PAN2: variants seen among roughly 807,000 people sequenced by gnomAD.
PAN2 encodes the protein poly(A) specific ribonuclease subunit PAN2, also known as PAN2-PAN3 deadenylation complex catalytic subunit PAN2.
A neutral mutation model predicts 133.3 loss-of-function variants in PAN2; 68 were observed. The ratio of observed to expected loss-of-function variants is 0.51; its 90% CI spans 0.42 to 0.62. The LOEUF is 0.62. Among genes scored for constraint, PAN2 ranks in the 20% least tolerant of loss-of-function variants. The pLI, the probability that PAN2 is intolerant of heterozygous loss-of-function variation, is 0.00. For synonymous variants in PAN2, 462 were observed against 544.6 expected (o/e 0.85, Z 2.11); for missense variants, 1,042 against 1,500.5 (o/e 0.69, Z 5.05).
rs1435774713 is a variant in PAN2 at position 56,326,318 on chromosome 12, T to A, written c.1354A>T (p.Asn452Tyr). ...ACCCTCCACTCTGAACACACCTGATTGCGCAGCCTGGTGCGGGGATTGGGC... is the reference window on the plus strand; with the variant it reads ...ACCCTCCACTCTGAACACACCTGATAGCGCAGCCTGGTGCGGGGATTGGGC... ...YAPNPRTRLRNQIPYRLKESD... is the reference protein window; with the variant it reads ...YAPNPRTRLRYQIPYRLKESD... Residue 452 changes from asparagine (N) to tyrosine (Y), a missense_variant, in exon 8 of 26, where the codon AAT (asparagine) becomes TAT (tyrosine). By Grantham distance (143) the Asn-to-Tyr change is moderately radical (BLOSUM62 -2). Coordinates refer to ENST00000440411, the MANE Select transcript of PAN2 (RefSeq NM_014871.6). 1 of 1,597,012 alleles carries A rather than the reference T, an allele frequency of 6.3e-7. No individual in the cohort carries two copies. The highest frequency in any genetic ancestry group is 8.6e-7 in the Non-Finnish European group (1 of 1,167,194).
rs765974777 is a variant in PAN2 at position 56,327,513 on chromosome 12, C to T, written c.770G>A (p.Arg257His). 1.7e-5 allele frequency: 28 copies of T among 1,614,078 alleles called. No homozygotes were observed. The highest frequency in any genetic ancestry group is 4.0e-5 in the African/African-American group (3 of 74,916). The change falls in exon 6 of 26, where the codon CGC becomes CAC. Residue 257 changes from arginine to histidine, a missense_variant. This residue lies in a region of PAN2 where 908 missense variants were observed against 1,223.5 expected (regional missense o/e 0.74). Transcript: ENST00000440411. ...NLLAACGFSS[R>H]LTGLACDRFL... ...ACGGTCGCAGGCCAGGCCAGTGAGG[C>T]GGCTGGAGAAGCCACAGGCAGCTAG...
rs777351373 is a variant in PAN2, at chr12:56,322,742, G to T, written c.2510C>A (p.Ala837Glu). Residue 837 changes from alanine to glutamate, a missense_variant, in exon 18 of 26, where the codon GCA becomes GAA. Ala to Glu is a moderately radical substitution (Grantham distance 107). Coordinates refer to ENST00000440411, the MANE Select transcript of PAN2 (RefSeq NM_014871.6). Reference protein sequence around the residue: ...GDEMQWGPARAEEEHGVYVYD... With the variant: ...GDEMQWGPAREEEEHGVYVYD... ...CACATAGACACCATGCTCCTCCTCTGCCCTGGCTGGGCCCCACTGTGAGGG... is the reference window on the plus strand; with the variant it reads ...CACATAGACACCATGCTCCTCCTCTTCCCTGGCTGGGCCCCACTGTGAGGG... 1.1e-5 allele frequency: 17 copies of T among 1,613,118 alleles called. No homozygotes were observed. Among genetic ancestry groups the T allele is most frequent in the Non-Finnish European group, 4.2e-6 (5 of 1,179,856 alleles).
At position 56,318,319 on chromosome 12, in the gene PAN2, G is replaced by C. The variant is rs1874134318; in HGVS notation, c.3480C>G (p.His1160Gln). 6.2e-7 allele frequency: 1 copy of C among 1,613,998 alleles called. No homozygotes were observed. Among genetic ancestry groups the C allele is most frequent in the Admixed American group, 1.7e-5 (1 of 59,994 alleles). Residue 1160 changes from histidine (H) to glutamine (Q), a missense_variant, in exon 25 of 26, where the codon CAC becomes CAG. Coordinates refer to ENST00000440411, the MANE Select transcript of PAN2 (RefSeq NM_014871.6). ...TCTCATAAAGACCCTTGAGCACCTT[G>C]TGGAAAGACTCAGGCTCAGTGCCAT... ...SKNGTEPESF[H>Q]KVLKGLYEKG...
chr12:56,329,890 G>A (rs374659017), intron 2 of PAN2, among the ~76,000 whole-genome samples: 13 of 148,108 alleles, frequency 8.8e-5, no homozygotes, highest in African/African-American at 2.7e-4. Context: ...GTTGCAGTGA[G>A]CTGAGATGGC....
intron 10 of PAN2, 92 bp downstream of exon 10, chr12:56,324,917 G>C: frequency 6.7e-7 from 1 of 1,494,192 alleles, no homozygotes; most frequent in African/African-American, 1.4e-5. Context: ...AGAGAACACG[G>C]CTGAGGAGAC....
intron 2 of PAN2, among the ~76,000 whole-genome samples, chr12:56,331,052 G>A (rs905217596): frequency 1.3e-5 from 2 of 151,984 alleles, no homozygotes; most frequent in African/African-American, 2.4e-5. Flanking sequence ...CGCCTGCTTC[G>A]GCCTCCCAAA....
At position 56,323,354 on chromosome 12, in the gene PAN2, C is replaced by A. The variant is rs373635242; in HGVS notation, c.2302G>T (p.Gly768Cys). Residue 768 changes from glycine (G) to cysteine (C), a missense_variant, in exon 16 of 26, where the codon GGT becomes TGT. Transcript: ENST00000440411. ...TCCTTGTTCTTGGAGATTTCCCCAC[C>A]GTGTTTCTTTACTGCCATCTTGAAG... ...VAFKMAVKKH[G>C]GEISKNKEFA... 2.5e-6 allele frequency: 4 copies of A among 1,613,632 alleles called. No individual in the cohort carries two copies. The highest frequency in any genetic ancestry group is 1.7e-6 in the Non-Finnish European group (2 of 1,179,964).
At chr12:56,324,539 AC>A in intron 11 of PAN2, 41 bp downstream of exon 11, 1 of 1,611,858 alleles carries the variant, frequency 6.2e-7, no homozygotes, top group Non-Finnish European at 8.5e-7. Context: ...TTTTGTGTCC[AC>A]CTTCCTTCCC....
intron 18 of PAN2, 52 bp from the exon 19 acceptor site, chr12:56,322,534 CT>C: frequency 1.2e-6 from 2 of 1,609,162 alleles, no homozygotes; most frequent in Non-Finnish European, 1.7e-6. Context: ...GGCTGGACCA[CT>C]CTGTCTCAGA....
At position 56,323,146 on chromosome 12, in the gene PAN2, G is replaced by A; in HGVS notation, c.2409C>T (p.Val803=). The change falls in exon 17 of 26, where the codon GTC becomes GTT. Residue 803 remains valine, a synonymous_variant. Transcript: ENST00000440411. ...TCATGCGAATGGAGAAAGGAAGCCA[G>A]ACGTTCTTCAACTCCTCAATGGAGG... ...VCPSIEELKN[V]WLPFSIRMKM... is the part of the protein sequence containing the mutation. The A allele has an allele frequency of 1.2e-6, 2 of 1,614,164 alleles. No individual in the cohort carries two copies. The highest frequency in any genetic ancestry group is 1.1e-5 in the South Asian group (1 of 91,076).
chr12:56,326,570 C>T, intron 7 of PAN2, 47 bp downstream of exon 7: 1 of 1,553,588 alleles, frequency 6.4e-7, no homozygotes, highest in South Asian at 1.2e-5. Flanking sequence ...GGTATCTTGG[C>T]CCTTTCCCTG....
Position 56,328,097 on chromosome 12 carries a change from A to G in PAN2, c.574-25T>C, listed in dbSNP as rs778856553. ...ACTGGAGAGGGAAGCAGGAAAAACC[A>G]GTGAGAAGAATGATTTTTCCCACAG... On this transcript the variant is annotated intron_variant, in intron 4 of 25. Coordinates refer to ENST00000440411, the MANE Select transcript of PAN2 (RefSeq NM_014871.6). 5 of 1,613,132 alleles carry G rather than the reference A, an allele frequency of 3.1e-6. No individual in the cohort carries two copies. The South Asian group carries it at 4.4e-5, about 14-fold the overall frequency.
intron 6 of PAN2, 133 bp from the exon 7 acceptor site, chr12:56,327,092 T>C: frequency 1.3e-6 from 1 of 790,074 alleles, no homozygotes; most frequent in Non-Finnish European, 2.0e-6. Context: ...AGAATGCCAC[T>C]TCGTGCCTTC....
At chr12:56,322,331 G>A in intron 19 of PAN2, 92 bp downstream of exon 19, 1 of 1,187,228 alleles carries the variant, frequency 8.4e-7, no homozygotes, top group Non-Finnish European at 1.3e-6. Context: ...CTCCCTCCCT[G>A]TTGAATCTGC....
At chr12:56,321,063 CAAA>C (rs757641992) in intron 20 of PAN2, among the ~76,000 whole-genome samples, 1 of 59,388 alleles carries the variant, frequency 1.7e-5, no homozygotes. Flanking sequence ...AAACTCTGTC[CAAA>C]AAAAAAAAAA....
intron 18 of PAN2, 29 bp downstream of exon 18, chr12:56,322,586 G>A (rs967985816): frequency 6.2e-7 from 1 of 1,613,670 alleles, no homozygotes; most frequent in Admixed American, 1.7e-5. Flanking sequence ...CATCCCAGGA[G>A]TGTTCCTGCC....
At chr12:56,317,698 T>A in intron 25 of PAN2, 55 bp from the exon 26 acceptor site, 1 of 1,457,146 alleles carries the variant, frequency 6.9e-7, no homozygotes, top group Non-Finnish European at 9.6e-7. Flanking sequence ...AAAAGCATCT[T>A]CTCATACTTC....
chr12:56,331,839 G>A (rs188105391), intron 2 of PAN2, among the ~76,000 whole-genome samples: 5 of 151,862 alleles, frequency 3.3e-5, no homozygotes, highest in Admixed American at 3.3e-4. Context: ...TCAGCCTTCC[G>A]AGTAGCTGGG....
intron 25 of PAN2, 48 bp from the exon 26 acceptor site, chr12:56,317,691 A>C: frequency 6.5e-7 from 1 of 1,535,242 alleles, no homozygotes; most frequent in Non-Finnish European, 9.0e-7. Flanking sequence ...GTGGAGAAAA[A>C]GCATCTTCTC....
Sources: gnomAD v4.1 joint callset for allele counts (sites outside exome capture counted in the v4.1 genomes callset) on GRCh38, gnomAD v4.1.1 for gene constraint, gnomAD v4.1.1 regional missense constraint, MANE v1.5 for transcripts, NCBI Gene and HGNC (gene_info 2026-07-23, HGNC 2026-07-21) for gene names.